FAM227B: variants seen among roughly 807,000 people sequenced by gnomAD.
FAM227B encodes the protein family with sequence similarity 227 member B, also known as protein FAM227B.
A neutral mutation model predicts 73.8 loss-of-function variants in FAM227B; 88 were observed. The observed-to-expected ratio is 1.19, with a 90% CI of 1.00 to 1.42. The LOEUF (loss-of-function observed/expected upper bound fraction) is 1.42. Ranked by LOEUF, FAM227B falls within the 40% of genes most tolerant of loss-of-function variation. The pLI is 0.00. For missense variants in FAM227B, 632 were observed against 590.9 expected, an observed-to-expected ratio of 1.07 and a Z score of -0.72; for synonymous variants, 210 against 190.5, an observed-to-expected ratio of 1.10 and a Z score of -0.84.
At chr15:49,548,406 G>A (rs564908727) in intron 9 of FAM227B, among the ~76,000 whole-genome samples, 2 of 152,094 alleles carry the variant, frequency 1.3e-5, no homozygotes, top group African/African-American at 4.8e-5. Context: ...CTCACGTATT[G>A]TTGAATTTGG....
At chr15:49,480,635 C>T (rs966757150) in intron 11 of FAM227B, among the ~76,000 whole-genome samples, 5 of 152,046 alleles carry the variant, frequency 3.3e-5, no homozygotes, top group African/African-American at 4.8e-5. Flanking sequence ...GCACCCGCCA[C>T]CACACCCGGA....
intron 3 of FAM227B, among the ~76,000 whole-genome samples, chr15:49,590,844 G>A (rs1416912918): frequency 6.6e-6 from 1 of 151,876 alleles, no homozygotes; most frequent in Admixed American, 6.6e-5. Flanking sequence ...GCCCCAGTAA[G>A]ACTCCATTCT....
chr15:49,586,731 CA>C (rs1277270611), intron 5 of FAM227B, among the ~76,000 whole-genome samples: 1 of 152,112 alleles, frequency 6.6e-6, no homozygotes. Context: ...CATGAACAAA[CA>C]CTTTTCAAAA....
At chr15:49,502,528 G>A (rs146652764) in intron 11 of FAM227B, among the ~76,000 whole-genome samples, 1 of 152,220 alleles carries the variant, frequency 6.6e-6, no homozygotes, top group East Asian at 1.9e-4. Context: ...CTCCCTTTTG[G>A]AATGGCAATG....
intron 10 of FAM227B, among the ~76,000 whole-genome samples, chr15:49,532,970 CT>C (rs1240184567): frequency 6.6e-6 from 1 of 151,966 alleles, no homozygotes; most frequent in Non-Finnish European, 1.5e-5. Flanking sequence ...CTAAAACTCC[CT>C]AAACTTTTTA....
intron 3 of FAM227B, among the ~76,000 whole-genome samples, chr15:49,608,825 T>A (rs1434535477): frequency 6.6e-6 from 1 of 151,848 alleles, no homozygotes; most frequent in African/African-American, 2.4e-5. Context: ...TTCTACCAGA[T>A]AAAAGTTGCA....
intron 9 of FAM227B, among the ~76,000 whole-genome samples, chr15:49,546,172 T>C (rs1356855084): frequency 1.4e-4 from 21 of 152,056 alleles, no homozygotes; most frequent in African/African-American, 4.6e-4. Context: ...TGTGTTCTCA[T>C]TGTTCAATTC....
chr15:49,534,963 T>C (rs1597978875), intron 10 of FAM227B, among the ~76,000 whole-genome samples: 1 of 151,512 alleles, frequency 6.6e-6, no homozygotes, highest in Non-Finnish European at 1.5e-5. Context: ...TGGAAATGTA[T>C]AGCAACGAAT....
Position 49,328,638 on chromosome 15 carries a change from G to T in FAM227B, c.1457C>A (p.Ser486Ter). The change falls in exon 16 of 16, where the codon TCA becomes TAA. Residue 486 changes from serine to a stop codon, truncating the protein, a stop_gained. Coordinates refer to ENST00000299338, the MANE Select transcript of FAM227B (RefSeq NM_152647.3). LOFTEE classifies it low-confidence loss of function (END_TRUNC). ...TGATGATGATGATGATGACGATAGT[G>T]ATGCCACACATTCTCTCTCAATTTC... ...EAEIERECVA[S>*]LSSSSSSSPS... The T allele has an allele frequency of 1.3e-6, 2 of 1,578,276 alleles. No homozygotes were observed. The highest frequency in any genetic ancestry group is 1.7e-6 in the Non-Finnish European group (2 of 1,158,606).
intron 11 of FAM227B, among the ~76,000 whole-genome samples, chr15:49,422,174 G>A (rs1451197611): frequency 2.5e-4 from 37 of 145,212 alleles, no homozygotes; most frequent in Admixed American, 1.4e-3. Context: ...GCGCGCGCGC[G>A]CGCGTGCACG....
At chr15:49,439,767 C>T (rs904728493) in intron 11 of FAM227B, among the ~76,000 whole-genome samples, 3 of 151,634 alleles carry the variant, frequency 2.0e-5, no homozygotes, top group African/African-American at 7.3e-5. Flanking sequence ...TGTTAATACC[C>T]CACTTCGTAG....
At chr15:49,377,452 A>T (rs947747715) in intron 11 of FAM227B, among the ~76,000 whole-genome samples, 1 of 152,132 alleles carries the variant, frequency 6.6e-6, no homozygotes, top group Non-Finnish European at 1.5e-5. Context: ...ACTGTTTTCC[A>T]TAGTGGCTGT....
At chr15:49,337,107 C>T (rs1244744889) in intron 13 of FAM227B, among the ~76,000 whole-genome samples, 1 of 152,098 alleles carries the variant, frequency 6.6e-6, no homozygotes, top group Non-Finnish European at 1.5e-5. Context: ...TGGGGATCTA[C>T]GTTGATTCCA....
At chr15:49,469,780 T>A (rs1017904632) in intron 11 of FAM227B, among the ~76,000 whole-genome samples, 6 of 152,144 alleles carry the variant, frequency 3.9e-5, no homozygotes, top group African/African-American at 1.4e-4. Flanking sequence ...TGATTGATAA[T>A]AGCAGTAATG....
chr15:49,416,772 GACACACACACACAC>G (rs5812484), intron 11 of FAM227B, among the ~76,000 whole-genome samples: 2 of 149,960 alleles, frequency 1.3e-5, no homozygotes, highest in South Asian at 2.1e-4. Context: ...CACACACATA[GACACACACACACAC>G]ACACACACAC....
intron 10 of FAM227B, among the ~76,000 whole-genome samples, chr15:49,524,033 T>A (rs2059973447): frequency 6.6e-6 from 1 of 152,146 alleles, no homozygotes; most frequent in Admixed American, 6.5e-5. Flanking sequence ...TAAAAAAAAT[T>A]GCAGCCTGAT....
intron 13 of FAM227B, among the ~76,000 whole-genome samples, chr15:49,347,905 G>A (rs2041737690): frequency 1.3e-5 from 2 of 151,696 alleles, no homozygotes; most frequent in Non-Finnish European, 2.9e-5. Flanking sequence ...TGTAGTCCCA[G>A]CTACTCGGGA....
chr15:49,551,449 A>G (rs762293110), intron 9 of FAM227B, among the ~76,000 whole-genome samples: 1 of 152,160 alleles, frequency 6.6e-6, no homozygotes, highest in Non-Finnish European at 1.5e-5. Flanking sequence ...ATTGGCATAG[A>G]ATACTTTTCT....
chr15:49,375,004 T>C (rs1487385918), intron 11 of FAM227B, among the ~76,000 whole-genome samples: 1 of 152,210 alleles, frequency 6.6e-6, no homozygotes, highest in Non-Finnish European at 1.5e-5. Context: ...GAGTTATATC[T>C]CTCTACATAC....
Sources: allele counts gnomAD v4.1 joint callset (sites outside exome capture counted in the v4.1 genomes callset), GRCh38; gene constraint gnomAD v4.1.1; transcripts MANE v1.5; gene names NCBI Gene and HGNC (gene_info 2026-07-23, HGNC 2026-07-21).